Variants in PCDHGA11 observed in about 807,000 individuals in gnomAD.
PCDHGA11 encodes the protein protocadherin gamma-A11.
PCDHGA11 carries 39 observed loss-of-function variants against 60.4 expected under a neutral mutation model. The ratio of observed to expected loss-of-function variants is 0.65; its 90% CI spans 0.50 to 0.84. The LOEUF (loss-of-function observed/expected upper bound fraction) is 0.84. Ranked by LOEUF, PCDHGA11 falls within the 40% of genes least tolerant of loss-of-function variation. The pLI is 0.00. For synonymous variants in PCDHGA11, 533 were observed against 510.3 expected (o/e 1.04, Z -0.60); for missense variants, 1,165 against 1,197.7 (o/e 0.97, Z 0.40).
At chr5:141,494,569 T>G (rs1341706026) in intron 1 of PCDHGA11, among the ~76,000 whole-genome samples, 2 of 152,190 alleles carry the variant, frequency 1.3e-5, no homozygotes, top group Non-Finnish European at 2.9e-5. Flanking sequence ...GAAAGGAGTC[T>G]CAGCTTGCTC....
chr5:141,510,994 G>A lies in PCDHGA11; in HGVS notation c.2629G>A (p.Gly877Arg). ...CCTGGGAGGGGGTGCCGGCACCATG[G>A]GATTGAGCGCCCGCTACGGACCCCA... ...STLGGGAGTM[G>R]LSARYGPQFT... The change falls in exon 4 of 4, where the codon GGA becomes AGA. Residue 877 changes from glycine to arginine, a missense_variant. Physicochemically the swap from Gly to Arg is moderately radical, Grantham distance 125 (BLOSUM62 -2). Transcript: ENST00000398587. 1 of 1,614,168 alleles carries A rather than the reference G, an allele frequency of 6.2e-7. No homozygotes were observed. Among genetic ancestry groups the A allele is most frequent in the Non-Finnish European group, 8.5e-7 (1 of 1,180,022 alleles).
chr5:141,497,596 G>C (rs920597006), intron 2 of PCDHGA11, among the ~76,000 whole-genome samples: 1 of 149,648 alleles, frequency 6.7e-6, no homozygotes, highest in Admixed American at 6.7e-5. Context: ...CTGGAGTGCA[G>C]TGGTGCGATC....
Position 141,491,547 on chromosome 5 carries a change from G to C in PCDHGA11, c.2434-3260G>C. On this transcript the variant is annotated intron_variant, in intron 1 of 3. Coordinates refer to ENST00000398587, the MANE Select transcript of PCDHGA11 (RefSeq NM_018914.3). This position sits in a 1 kb window ranked among gnomAD's most constrained non-coding sequence, Gnocchi z 6.9. Reference sequence around the variant, plus strand: ...AGGTGACGCTGCGGCCCACAGACTCGCAGAGCCACTGCTACAGGACGTGCT... The same window carrying C: ...AGGTGACGCTGCGGCCCACAGACTCCCAGAGCCACTGCTACAGGACGTGCT... 6.2e-7 allele frequency: 1 copy of C among 1,613,974 alleles called. No individual in the cohort carries two copies. The highest frequency in any genetic ancestry group is 8.5e-7 in the Non-Finnish European group (1 of 1,180,022).
Position 141,486,271 on chromosome 5 carries a change from C to G in PCDHGA11, c.2434-8536C>G, listed in dbSNP as rs143039217. ...CCCTCCCCGAGAGTGCAGAACCTGG[C>G]ACTGTGGTGGCACTTATCAGTGTGC... On this transcript the variant is annotated intron_variant, in intron 1 of 3. Coordinates refer to ENST00000398587, the MANE Select transcript of PCDHGA11 (RefSeq NM_018914.3). The surrounding 1 kb of genome is among the most constrained non-coding windows in gnomAD (Gnocchi z 5.0). 6.2e-7 allele frequency: 1 copy of G among 1,613,968 alleles called. No homozygotes were observed. Among genetic ancestry groups the G allele is most frequent in the African/African-American group, 1.3e-5 (1 of 74,902 alleles).
At chr5:141,427,450 CT>C in intron 1 of PCDHGA11, 1 of 486,442 alleles carries the variant, frequency 2.1e-6, no homozygotes, top group South Asian at 1.5e-5. Flanking sequence ...GAAAGAGTTC[CT>C]TTTAGAATCG....
chr5:141,488,793 C>G (rs1274193018), intron 1 of PCDHGA11, among the ~76,000 whole-genome samples: 1 of 152,172 alleles, frequency 6.6e-6, no homozygotes, highest in African/African-American at 2.4e-5. Context: ...TTTGTCTTCC[C>G]TGTTGAGTAC....
rs1165459779 is a variant in PCDHGA11 at position 141,423,318 on chromosome 5, G to T, written c.2091G>T (p.Ala697=). ...TSDLSLYLVV[A]VAAVSCIFLV... ...ACCTCTCGCTGTACTTGGTGGTGGCGGTGGCCGCAGTCTCCTGCATCTTCC... is the reference window on the plus strand; with the variant it reads ...ACCTCTCGCTGTACTTGGTGGTGGCTGTGGCCGCAGTCTCCTGCATCTTCC... Residue 697 remains alanine, a synonymous_variant, in exon 1 of 4, where the codon GCG becomes GCT. Coordinates refer to ENST00000398587, the MANE Select transcript of PCDHGA11 (RefSeq NM_018914.3). 17 of 1,614,006 alleles carry T rather than the reference G, an allele frequency of 1.1e-5. No homozygotes were observed. The highest frequency in any genetic ancestry group is 8.8e-5 in the South Asian group (8 of 91,084).
chr5:141,427,793 G>C, intron 1 of PCDHGA11: 1 of 1,495,528 alleles, frequency 6.7e-7, no homozygotes, highest in Non-Finnish European at 9.2e-7. Flanking sequence ...CGTCCTACGT[G>C]TCCGTGAGCG....
chr5:141,428,344 G>T (rs970552377), intron 1 of PCDHGA11: 3 of 596,498 alleles, frequency 5.0e-6, no homozygotes, highest in Non-Finnish European at 6.1e-6. Flanking sequence ...CTTCTTCCTC[G>T]CAGTGATTTT....
Position 141,477,662 on chromosome 5 carries a change from A to G in PCDHGA11, c.2434-17145A>G. On this transcript the variant is annotated intron_variant, in intron 1 of 3. Transcript: ENST00000398587. The surrounding 1 kb of genome is among the most constrained non-coding windows in gnomAD (Gnocchi z 4.9). ...TCGCTATTTCACAATAAATCGTGAC[A>G]ATGGCATAGTGTCATCCTTAGTGCC... The G allele has an allele frequency of 6.2e-7, 1 of 1,614,222 alleles. No individual in the cohort carries two copies.
intron 1 of PCDHGA11, among the ~76,000 whole-genome samples, chr5:141,452,375 G>A (rs1239059045): frequency 2.0e-5 from 3 of 152,194 alleles, no homozygotes; most frequent in African/African-American, 7.2e-5. Context: ...TTTTAGTAGG[G>A]AATAGTATTT....
intron 1 of PCDHGA11, 192 bp downstream of exon 1, chr5:141,423,852 GT>G (rs971165220): frequency 2.5e-5 from 32 of 1,279,282 alleles, no homozygotes; most frequent in Non-Finnish European, 3.0e-5. Context: ...CTTTCAGAAC[GT>G]TTTTGTGAAA....
At chr5:141,484,102 A>T (rs1404220648) in intron 1 of PCDHGA11, among the ~76,000 whole-genome samples, 1 of 152,206 alleles carries the variant, frequency 6.6e-6, no homozygotes, top group African/African-American at 2.4e-5. Flanking sequence ...GTTGGTAATT[A>T]ACAAAAGATC....
In PCDHGA11 at chr5:141,476,776, G is replaced by A. The variant is rs764674164; in HGVS notation, c.2434-18031G>A. 9.3e-6 allele frequency: 15 copies of A among 1,612,744 alleles called. No homozygotes were observed. The highest frequency in any genetic ancestry group is 1.3e-5 in the Non-Finnish European group (15 of 1,179,218). On this transcript the variant is annotated intron_variant, in intron 1 of 3. Coordinates refer to ENST00000398587, the MANE Select transcript of PCDHGA11 (RefSeq NM_018914.3). This position sits in a 1 kb window ranked among gnomAD's most constrained non-coding sequence, Gnocchi z 7.6. ...TAGTGCTGACGGCGTTGGACGGAGG[G>A]ACCCCAGCTCTCTCCGCCAGCCTGC...
intron 1 of PCDHGA11, among the ~76,000 whole-genome samples, chr5:141,437,777 C>T (rs998490046): frequency 2.0e-5 from 3 of 148,970 alleles, no homozygotes; most frequent in Admixed American, 6.7e-5. Context: ...CTCAATCTGT[C>T]GCCAAGCTGG....
At position 141,488,726 on chromosome 5, in the gene PCDHGA11, G is replaced by A. The variant is rs1562126303; in HGVS notation, c.2434-6081G>A. 2.0e-5 allele frequency among the ~76,000 whole-genome samples: 3 copies of A among 152,194 alleles called. No homozygotes were observed. The South Asian group carries it at 6.2e-4, about 32-fold the overall frequency. ...TGCTGGTTCAAGCAAAGTGGTGGAA[G>A]CTTCTGAAGTCATGCAGGAAGTTGC... On this transcript the variant is annotated intron_variant, in intron 1 of 3. Transcript: ENST00000398587.
Position 141,486,092 on chromosome 5 carries a change from C to G in PCDHGA11, c.2434-8715C>G. ...TACTGGAAAGCTTACTCTTTTGGGG[C>G]CCCTAGACTTTGAGAGTGAGAATTA... On this transcript the variant is annotated intron_variant, in intron 1 of 3. Transcript: ENST00000398587. The surrounding 1 kb of genome is among the most constrained non-coding windows in gnomAD (Gnocchi z 5.0). The G allele has an allele frequency of 6.2e-7, 1 of 1,614,148 alleles. No individual in the cohort carries two copies. Among genetic ancestry groups the G allele is most frequent in the South Asian group, 1.1e-5 (1 of 91,080 alleles).
rs1264759473 is a variant in PCDHGA11 at position 141,486,183 on chromosome 5, G to A, written c.2434-8624G>A. On this transcript the variant is annotated intron_variant, in intron 1 of 3. Transcript: ENST00000398587. The surrounding 1 kb of genome is among the most constrained non-coding windows in gnomAD (Gnocchi z 5.0). The stretch of plus-strand genomic sequence containing the variant: ...GCCATGGAGCAACATTGCAGCCTTC[G>A]AGTGGATCTGCTGGACGTAAATGAC... 3 of 1,614,154 alleles carry A rather than the reference G, an allele frequency of 1.9e-6. No homozygotes were observed. The highest frequency in any genetic ancestry group is 1.1e-5 in the South Asian group (1 of 91,082).
chr5:141,457,899 C>CA (rs2098931976), intron 1 of PCDHGA11, among the ~76,000 whole-genome samples: 1 of 148,818 alleles, frequency 6.7e-6, no homozygotes, highest in Admixed American at 6.7e-5. Context: ...ACTGTGTAGA[C>CA]AAGGTGTGAG....
Sources: allele counts gnomAD v4.1 joint callset (sites outside exome capture counted in the v4.1 genomes callset), GRCh38; gene constraint gnomAD v4.1.1; non-coding constraint Gnocchi (gnomAD v3.1); transcripts MANE v1.5; gene names NCBI Gene and HGNC (gene_info 2026-07-23, HGNC 2026-07-21).